The following KLHL1 variants were observed in gnomAD, a reference collection of about 807,000 sequenced individuals.
KLHL1 encodes the protein kelch like family member 1.
A neutral mutation model predicts 77.7 loss-of-function variants in KLHL1; 47 were observed. The ratio of observed to expected loss-of-function variants is 0.60; its 90% confidence interval spans 0.48 to 0.77. The LOEUF is 0.77. Among genes scored for constraint, KLHL1 ranks in the 30% least tolerant of loss-of-function variants. The probability of loss-of-function intolerance (pLI) is 0.00; values close to 1 mark genes in which losing one functional copy is unlikely to be tolerated. For missense variants in KLHL1, 925 were observed against 910.8 expected (o/e 1.02, Z -0.20); for synonymous variants, 360 against 325.2 (o/e 1.11, Z -1.15).
At chr13:69,826,598 G>T (rs887761746) in intron 6 of KLHL1, among the ~76,000 whole-genome samples, 1 of 151,938 alleles carries the variant, frequency 6.6e-6, no homozygotes, top group Non-Finnish European at 1.5e-5. Context: ...AAGAAAGAAA[G>T]AAATGCTGAG....
chr13:69,812,993 T>C (rs1051006019), intron 6 of KLHL1, among the ~76,000 whole-genome samples: 36 of 149,292 alleles, frequency 2.4e-4, no homozygotes, highest in African/African-American at 8.3e-4. Flanking sequence ...CAAAGGATTA[T>C]AAATCATGCT....
At chr13:70,066,818 T>C (rs528531457) in intron 1 of KLHL1, among the ~76,000 whole-genome samples, 1 of 152,330 alleles carries the variant, frequency 6.6e-6, no homozygotes, top group African/African-American at 2.4e-5. Context: ...GTTTTACCTT[T>C]GATGAAAGTG....
At chr13:69,967,287 T>A (rs764554679) in intron 2 of KLHL1, among the ~76,000 whole-genome samples, 28 of 152,126 alleles carry the variant, frequency 1.8e-4, no homozygotes, top group Non-Finnish European at 4.0e-4. Flanking sequence ...CATTCATAAG[T>A]CATGGGAGGA....
At chr13:69,995,764 C>T (rs1327099728) in intron 1 of KLHL1, among the ~76,000 whole-genome samples, 1 of 152,080 alleles carries the variant, frequency 6.6e-6, no homozygotes, top group Non-Finnish European at 1.5e-5. Context: ...TTGCTCACAT[C>T]CATACCCTGG....
intron 6 of KLHL1, among the ~76,000 whole-genome samples, chr13:69,821,424 C>T (rs1566291963): frequency 6.6e-6 from 1 of 152,122 alleles, no homozygotes; most frequent in Non-Finnish European, 1.5e-5. Context: ...AAGCAATTCT[C>T]ATGCCTCAGC....
At chr13:69,923,374 G>T (rs904245185) in intron 4 of KLHL1, among the ~76,000 whole-genome samples, 1 of 152,156 alleles carries the variant, frequency 6.6e-6, no homozygotes, top group Non-Finnish European at 1.5e-5. Context: ...GTATGTCTCC[G>T]TTGGAGTTGC....
intron 1 of KLHL1, among the ~76,000 whole-genome samples, chr13:69,992,580 C>A (rs763820804): frequency 1.3e-5 from 2 of 151,968 alleles, no homozygotes; most frequent in African/African-American, 2.4e-5. Flanking sequence ...CCAAAAAATT[C>A]ATATGAGACC....
chr13:69,875,717 G>A (rs1413755446), intron 5 of KLHL1, among the ~76,000 whole-genome samples: 1 of 152,092 alleles, frequency 6.6e-6, no homozygotes, highest in Non-Finnish European at 1.5e-5. Flanking sequence ...GAATGTCACA[G>A]GAGGGCTAAA....
At chr13:69,793,238 G>T (rs1876948129) in intron 7 of KLHL1, among the ~76,000 whole-genome samples, 1 of 151,890 alleles carries the variant, frequency 6.6e-6, no homozygotes, top group African/African-American at 2.4e-5. Context: ...TATGAAAAAA[G>T]ATAATATATA....
chr13:69,889,360 C>A (rs1881341945), intron 4 of KLHL1, among the ~76,000 whole-genome samples: 1 of 151,812 alleles, frequency 6.6e-6, no homozygotes, highest in South Asian at 2.1e-4. Context: ...GTTATTTTAC[C>A]GGGGAGAATG....
chr13:69,826,875 A>G lies in KLHL1; in HGVS notation c.1414+12101T>C, dbSNP rs529364160. On this transcript the variant is annotated intron_variant, in intron 6 of 10. Transcript: ENST00000377844. Reference sequence around the variant, plus strand: ...TACTTATAGTAAGATTTTTATTTTAATAAGAATATATTAATTGAGACCTTT... The same window carrying G: ...TACTTATAGTAAGATTTTTATTTTAGTAAGAATATATTAATTGAGACCTTT... Among the ~76,000 whole-genome samples the G allele has an allele frequency of 7.9e-5, 12 of 151,256 alleles. No homozygotes were observed. In the South Asian group the frequency reaches 2.3e-3, roughly 29 times the overall value.
intron 1 of KLHL1, among the ~76,000 whole-genome samples, chr13:70,000,245 G>T (rs926637068): frequency 6.6e-6 from 1 of 151,652 alleles, no homozygotes; most frequent in Non-Finnish European, 1.5e-5. Context: ...TAGACACAAA[G>T]AACTTATGGT....
At chr13:69,877,526 T>C (rs1174528840) in intron 5 of KLHL1, among the ~76,000 whole-genome samples, 2 of 152,148 alleles carry the variant, frequency 1.3e-5, no homozygotes, top group African/African-American at 2.4e-5. Flanking sequence ...TGTTTTCTAA[T>C]ACTGCTGAAA....
intron 1 of KLHL1, among the ~76,000 whole-genome samples, chr13:69,986,174 G>A (rs1884865009): frequency 6.6e-6 from 1 of 151,954 alleles, no homozygotes; most frequent in South Asian, 2.1e-4. Context: ...ACCAGAGGCT[G>A]AGGAGACTGT....
intron 2 of KLHL1, among the ~76,000 whole-genome samples, chr13:69,966,047 C>T (rs1593632159): frequency 1.3e-5 from 2 of 152,134 alleles, no homozygotes; most frequent in African/African-American, 2.4e-5. Flanking sequence ...TTTGCCATTA[C>T]TTTTAATGTC....
intron 5 of KLHL1, among the ~76,000 whole-genome samples, chr13:69,861,235 T>A (rs1349739756): frequency 1.3e-5 from 2 of 152,118 alleles, no homozygotes; most frequent in East Asian, 3.9e-4. Flanking sequence ...AGACTTCTGG[T>A]ATCCAGATTA....
At chr13:69,877,043 A>C (rs950227790) in intron 5 of KLHL1, among the ~76,000 whole-genome samples, 1 of 152,164 alleles carries the variant, frequency 6.6e-6, no homozygotes, top group Non-Finnish European at 1.5e-5. Context: ...GTCCAAAAAA[A>C]AAAAGATATA....
intron 8 of KLHL1, among the ~76,000 whole-genome samples, chr13:69,735,531 T>G: frequency 6.7e-6 from 1 of 149,434 alleles, no homozygotes; most frequent in South Asian, 2.1e-4. Context: ...CTTTTATAAT[T>G]TAATTATGTA....
At chr13:70,084,602 G>A (rs765867277) in intron 1 of KLHL1, among the ~76,000 whole-genome samples, 2 of 126,288 alleles carry the variant, frequency 1.6e-5, no homozygotes, top group Non-Finnish European at 3.2e-5. Flanking sequence ...GGGACTACAG[G>A]CACCTGCCAC....
Sources: gnomAD v4.1 joint callset for allele counts (sites outside exome capture counted in the v4.1 genomes callset) on GRCh38, gnomAD v4.1.1 for gene constraint, MANE v1.5 for transcripts, NCBI Gene and HGNC (gene_info 2026-07-23, HGNC 2026-07-21) for gene names.